Variants in E2F3 observed in about 807,000 individuals in gnomAD.
The protein encoded by E2F3 is transcription factor E2F3.
Under a neutral mutation model 44.4 loss-of-function variants are expected in E2F3, and 11 were observed. That is an observed-to-expected ratio of 0.25 (90% confidence interval 0.16 to 0.41). The LOEUF (loss-of-function observed/expected upper bound fraction) is 0.41, where lower values mean the gene tolerates loss of function less well. Ranked by LOEUF, E2F3 falls within the 10% of genes least tolerant of loss-of-function variation. The pLI is 1.00. For missense variants in E2F3, 487 were observed against 583.6 expected (o/e 0.83, Z 1.70); for synonymous variants, 249 against 253.0 (o/e 0.98, Z 0.15).
chr6:20,403,157 C>T (rs1759367068), intron 1 of E2F3, among the ~76,000 whole-genome samples: 1 of 147,126 alleles, frequency 6.8e-6, no homozygotes, highest in South Asian at 2.2e-4. Context: ...CGGGGCTGCG[C>T]TTGACACATT....
At chr6:20,482,599 A>ATATAT (rs1554141459) in intron 3 of E2F3, among the ~76,000 whole-genome samples, 163 bp from the exon 4 acceptor site, 26 of 134,496 alleles carry the variant, frequency 1.9e-4, no homozygotes, top group South Asian at 4.6e-4. Context: ...TGAAAAAAAA[A>ATATAT]ATATATATAT....
intron 1 of E2F3, among the ~76,000 whole-genome samples, chr6:20,450,498 TAA>T: frequency 6.6e-6 from 1 of 152,210 alleles, no homozygotes; most frequent in Non-Finnish European, 1.5e-5. Flanking sequence ...TAAATTTGTT[TAA>T]GTTTCTTACC....
intron 6 of E2F3, among the ~76,000 whole-genome samples, chr6:20,488,697 G>A (rs913367252): frequency 1.3e-5 from 2 of 152,044 alleles, no homozygotes; most frequent in Admixed American, 1.3e-4. Flanking sequence ...GGAGGAGAAC[G>A]CTAGGAAAGT....
At position 20,446,802 on chromosome 6, in the gene E2F3, A is replaced by T. The variant is rs116001797; in HGVS notation, c.394-33044A>T. On this transcript the variant is annotated intron_variant, in intron 1 of 6. Transcript: ENST00000346618. ...AGGCTGGTCTCAACTCCTGGGCTCC[A>T]GTGATCTGCCTGCATCGGCCTCTCA... 5.9e-3 allele frequency among the ~76,000 whole-genome samples: 892 copies of T among 152,310 alleles called. 4 individuals carry two copies. The highest frequency in any genetic ancestry group is 0.034 in the South Asian group (164 of 4,822).
At position 20,402,623 on chromosome 6, in the gene E2F3, C is replaced by T. The variant is rs1759344618; in HGVS notation, c.391C>T (p.Pro131Ser). ...RGGSGGGGGP[P>S]AKRRLELGES... ...CGGCAGCGGCGGCGGCGGCGGCCCT[C>T]CGGTAATACCCTCCCTCCCCACCGT... Residue 131 changes from proline to serine, a missense_variant and splice_region_variant, in exon 1 of 7, where the codon CCG becomes TCG. By Grantham distance (74) the Pro-to-Ser change is moderately conservative (BLOSUM62 -1). Coordinates refer to ENST00000346618, the MANE Select transcript of E2F3 (RefSeq NM_001949.5). The surrounding 1 kb of genome is among the most constrained non-coding windows in gnomAD (Gnocchi z 5.6). 1.5e-6 allele frequency: 2 copies of T among 1,332,796 alleles called. No individual in the cohort carries two copies. Among genetic ancestry groups the T allele is most frequent in the African/African-American group, 3.1e-5 (2 of 64,788 alleles). The allele number at this position is 1,332,796 out of a possible 1,614,324, so 82.6% of individuals were successfully genotyped here. A position where few individuals can be genotyped will look rare whatever the true frequency, so the allele number is the denominator to read the frequency against.
chr6:20,465,392 A>T (rs1438431217), intron 1 of E2F3, among the ~76,000 whole-genome samples: 1 of 152,222 alleles, frequency 6.6e-6, no homozygotes, highest in Non-Finnish European at 1.5e-5. Flanking sequence ...TGATCTATCC[A>T]GCCTTCCACA....
At position 20,490,531 on chromosome 6, in the gene E2F3, G is replaced by A; in HGVS notation, c.*101G>A. The A allele has an allele frequency of 3.2e-6, 4 of 1,233,394 alleles. No homozygotes were observed. The highest frequency in any genetic ancestry group is 4.4e-6 in the Non-Finnish European group (4 of 912,916). The allele number at this position is 1,233,394 out of a possible 1,614,324, so 76.4% of individuals were successfully genotyped here. ...GTCCCTTCCTACCTTCTTCCTCCAA[G>A]AGAGTATCATGAAGTAAACTACAAA... On this transcript the variant is annotated 3_prime_UTR_variant, in exon 7 of 7. Transcript: ENST00000346618. The surrounding 1 kb of genome is among the most constrained non-coding windows in gnomAD (Gnocchi z 4.3).
chr6:20,453,576 G>A (rs528348300), intron 1 of E2F3, among the ~76,000 whole-genome samples: 1 of 151,998 alleles, frequency 6.6e-6, no homozygotes, highest in African/African-American at 2.4e-5. Flanking sequence ...CACCATGCCT[G>A]GCAAATTTTA....
chr6:20,402,649 C>T lies in E2F3; in HGVS notation c.393+24C>T, dbSNP rs1417097183. On this transcript the variant is annotated intron_variant, in intron 1 of 6. Transcript: ENST00000346618. The surrounding 1 kb of genome is among the most constrained non-coding windows in gnomAD (Gnocchi z 5.6). ...CGGTAATACCCTCCCTCCCCACCGT[C>T]CCCAGCCCCGGCGGGAGGTGGGCTC... The T allele has an allele frequency of 4.6e-6, 6 of 1,313,198 alleles. No individual in the cohort carries two copies. Among genetic ancestry groups the T allele is most frequent in the Non-Finnish European group, 5.8e-6 (6 of 1,037,310 alleles). The allele number at this position is 1,313,198 out of a possible 1,614,324, so 81.3% of individuals were successfully genotyped here.
chr6:20,431,862 C>A (rs866340823), intron 1 of E2F3, among the ~76,000 whole-genome samples: 1 of 152,208 alleles, frequency 6.6e-6, no homozygotes, highest in Non-Finnish European at 1.5e-5. Flanking sequence ...CAGCAGAAAT[C>A]TATTCTCTCC....
intron 1 of E2F3, among the ~76,000 whole-genome samples, chr6:20,477,723 G>GA (rs915108328): frequency 3.3e-5 from 5 of 150,774 alleles, no homozygotes; most frequent in Non-Finnish European, 4.4e-5. Context: ...GCAGCTGGAT[G>GA]AAAAAAAAAT....
chr6:20,442,307 CTGGTAACCGTCTTCT>C (rs1252615870), intron 1 of E2F3, among the ~76,000 whole-genome samples: 4 of 152,160 alleles, frequency 2.6e-5, no homozygotes, highest in Non-Finnish European at 4.4e-5. Flanking sequence ...TTTCATTCTC[CTGGTAACCGTCTTCT>C]TAATAGCTGT....
intron 6 of E2F3, 29 bp downstream of exon 6, chr6:20,488,277 A>T (rs1229922812): frequency 6.4e-7 from 1 of 1,559,554 alleles, no homozygotes; most frequent in Non-Finnish European, 8.6e-7. Flanking sequence ...TCTTTTAGAA[A>T]CTATGTTAAA....
At position 20,492,295 on chromosome 6, in the gene E2F3, T is replaced by A. The variant is rs1420982223; in HGVS notation, c.*1865T>A. The A allele has an allele frequency of 4.3e-6, 1 of 232,514 alleles. No individual in the cohort carries two copies. Among genetic ancestry groups the A allele is most frequent in the African/African-American group, 2.2e-5 (1 of 45,266 alleles). The allele number at this position is 232,514 out of a possible 1,614,324, so 14.4% of individuals were successfully genotyped here. A position where few individuals can be genotyped will look rare whatever the true frequency, so the allele number is the denominator to read the frequency against. ...GTGTGGGTATGCGTGGGTGTATGTTTGGGAAGAAAAACAAAGGTGCAGACT... is the reference window on the plus strand; with the variant it reads ...GTGTGGGTATGCGTGGGTGTATGTTAGGGAAGAAAAACAAAGGTGCAGACT... On this transcript the variant is annotated 3_prime_UTR_variant, in exon 7 of 7. Transcript: ENST00000346618.
At chr6:20,487,560 A>G (rs1348967171) in intron 5 of E2F3, among the ~76,000 whole-genome samples, 1 of 152,212 alleles carries the variant, frequency 6.6e-6, no homozygotes, top group Non-Finnish European at 1.5e-5. Flanking sequence ...GAACAATAAC[A>G]TGGAGATACT....
chr6:20,466,468 A>G (rs1041013483), intron 1 of E2F3, among the ~76,000 whole-genome samples: 1 of 152,146 alleles, frequency 6.6e-6, no homozygotes, highest in African/African-American at 2.4e-5. Context: ...GTAGTATTGC[A>G]TGGTGGTTTT....
chr6:20,434,160 G>A (rs1370108225), intron 1 of E2F3, among the ~76,000 whole-genome samples: 1 of 152,136 alleles, frequency 6.6e-6, no homozygotes, highest in Non-Finnish European at 1.5e-5. Flanking sequence ...TTTTCCAAAT[G>A]ATCTTTTGGT....
Position 20,402,171 on chromosome 6 carries a change from A to G in E2F3, c.-62A>G. ...AGACTTGGAAACTCCGACTGCAAAT[A>G]ATAAAGAAATTGAAAACAATACATT... On this transcript the variant is annotated 5_prime_UTR_variant, in exon 1 of 7. In the 5' UTR this introduces an upstream ATG that the reference lacks. Coordinates refer to ENST00000346618, the MANE Select transcript of E2F3 (RefSeq NM_001949.5). The surrounding 1 kb of genome is among the most constrained non-coding windows in gnomAD (Gnocchi z 5.6). The G allele has an allele frequency of 6.7e-7, 1 of 1,493,350 alleles. No homozygotes were observed. The highest frequency in any genetic ancestry group is 8.9e-7 in the Non-Finnish European group (1 of 1,128,748). The allele number at this position is 1,493,350 out of a possible 1,614,324, so 92.5% of individuals were successfully genotyped here. A position where few individuals can be genotyped will look rare whatever the true frequency, so the allele number is the denominator to read the frequency against.
rs769033798 is a variant in E2F3 at position 20,402,379 on chromosome 6, C to G, written c.147C>G (p.Ala49=). ...LASPGFAAAA[A]AAAAPGAYIQ... is the part of the protein sequence containing the mutation. ...GCCCCGGCTTCGCCGCCGCCGCCGC[C>G]GCTGCCGCCGCCCCGGGCGCGTACA... The change falls in exon 1 of 7, where the codon GCC becomes GCG. Residue 49 remains alanine, a synonymous_variant. Coordinates refer to ENST00000346618, the MANE Select transcript of E2F3 (RefSeq NM_001949.5). This position sits in a 1 kb window ranked among gnomAD's most constrained non-coding sequence, Gnocchi z 5.6. 2 of 1,608,332 alleles carry G rather than the reference C, an allele frequency of 1.2e-6. No homozygotes were observed. The highest frequency in any genetic ancestry group is 1.7e-6 in the Non-Finnish European group (2 of 1,178,026).
Sources: gnomAD v4.1 joint callset for allele counts (sites outside exome capture counted in the v4.1 genomes callset) on GRCh38, gnomAD v4.1.1 for gene constraint, Gnocchi (gnomAD v3.1) non-coding constraint, MANE v1.5 for transcripts, NCBI Gene and HGNC (gene_info 2026-07-23, HGNC 2026-07-21) for gene names.